The following MAPK10 variants were observed in gnomAD, a reference collection of about 807,000 sequenced individuals.
MAPK10 encodes the protein mitogen-activated protein kinase 10, also known as JNK3 alpha protein kinase.
In MAPK10, 25 loss-of-function variants were observed where a neutral mutation model predicts 59.3. That is an observed-to-expected ratio of 0.42 (90% CI 0.31 to 0.59). The LOEUF is 0.59. Among genes scored for constraint, MAPK10 ranks in the 20% least tolerant of loss-of-function variants. MAPK10 has a pLI of 0.15. For missense variants in MAPK10, 351 were observed against 568.9 expected (o/e 0.62, Z 3.90); for synonymous variants, 190 against 200.5 (o/e 0.95, Z 0.44).
In MAPK10 at chr4:86,271,585, C is replaced by T. The variant is rs58081144; in HGVS notation, c.-6-77178G>A. Among the ~76,000 whole-genome samples the T allele has an allele frequency of 7.9e-3, 1,197 of 151,972 alleles. 16 individuals carry two copies. The highest frequency in any genetic ancestry group is 0.027 in the African/African-American group (1,109 of 41,458). On this transcript the variant is annotated intron_variant, in intron 2 of 13. Transcript: ENST00000641462. ...TGATGCCTGTATTAGTCCACTCTCA[C>T]GCTGCTAATAAAGACATACCCTAAA...
At chr4:86,065,154 C>T (rs1435402735) in intron 10 of MAPK10, 1 of 152,082 alleles carries the variant, frequency 6.6e-6, no homozygotes, top group African/African-American at 2.4e-5. Context: ...CTCAAAGATC[C>T]TCCCACCTCA....
intron 1 of MAPK10, among the ~76,000 whole-genome samples, chr4:86,436,688 G>T (rs1422176116): frequency 2.0e-5 from 3 of 152,050 alleles, no homozygotes; most frequent in African/African-American, 7.2e-5. Flanking sequence ...ATCCAGTCAT[G>T]TCACTTGTGA....
chr4:86,590,843 A>G (rs1448420469), intron 1 of MAPK10, among the ~76,000 whole-genome samples: 12 of 152,152 alleles, frequency 7.9e-5, no homozygotes, highest in Non-Finnish European at 1.8e-4. Flanking sequence ...ACTTACTTTT[A>G]AAAGATAATT....
chr4:86,494,888 A>G (rs1405448690), intron 1 of MAPK10, among the ~76,000 whole-genome samples: 2 of 139,190 alleles, frequency 1.4e-5, no homozygotes, highest in Non-Finnish European at 3.1e-5. Context: ...AAAGCTTCAC[A>G]TATTTTATGT....
intron 2 of MAPK10, among the ~76,000 whole-genome samples, chr4:86,347,210 A>G (rs556010047): frequency 2.6e-4 from 39 of 152,220 alleles, no homozygotes; most frequent in Middle Eastern, 6.8e-3. Flanking sequence ...TATACACTAA[A>G]TTTTTCAAGT....
chr4:86,413,716 G>A (rs942477164), intron 1 of MAPK10, among the ~76,000 whole-genome samples: 16 of 152,296 alleles, frequency 1.1e-4, no homozygotes, highest in Admixed American at 2.6e-4. Context: ...CATGGGACCC[G>A]CCGAGCCAGG....
At chr4:86,276,582 A>G (rs1430379335) in intron 2 of MAPK10, among the ~76,000 whole-genome samples, 1 of 152,182 alleles carries the variant, frequency 6.6e-6, no homozygotes, top group East Asian at 1.9e-4. Context: ...AAAAATCACA[A>G]GTCAACCTTG....
chr4:86,210,515 T>A (rs1599312), intron 2 of MAPK10, among the ~76,000 whole-genome samples: 49,235 of 151,938 alleles, frequency 0.32, 11,009 homozygotes, highest in African/African-American at 0.64. Flanking sequence ...TTATAATTGC[T>A]TTATTTGTAA....
intron 4 of MAPK10, among the ~76,000 whole-genome samples, chr4:86,113,448 G>C (rs1479139867): frequency 2.6e-5 from 4 of 152,100 alleles, no homozygotes; most frequent in African/African-American, 9.7e-5. Context: ...TGTCTGAAAA[G>C]GATTTTATTT....
intron 3 of MAPK10, among the ~76,000 whole-genome samples, chr4:86,182,012 ACTT>A (rs1679220773): frequency 6.6e-6 from 1 of 152,160 alleles, no homozygotes; most frequent in South Asian, 2.1e-4. Flanking sequence ...GGCTAAGACT[ACTT>A]ACCTATTGCT....
chr4:86,462,192 C>T (rs151234323), intron 1 of MAPK10, among the ~76,000 whole-genome samples: 1 of 152,110 alleles, frequency 6.6e-6, no homozygotes, highest in Non-Finnish European at 1.5e-5. Context: ...GTCTGTGGAC[C>T]CTTGCCAGCG....
rs558877373 is a variant in MAPK10 at position 86,480,297 on chromosome 4, T to A, written c.-263+113613A>T. 5.4e-5 allele frequency among the ~76,000 whole-genome samples: 8 copies of A among 148,508 alleles called. No individual in the cohort carries two copies. The South Asian group carries it at 1.3e-3, about 24-fold the overall frequency. On this transcript the variant is annotated intron_variant, in intron 1 of 4. Transcript: ENST00000502302. ...CCTGGCTCATCCTGGCTCAAAAATC[T>A]CCCCCACTGAGCACCCTGTGACCCC...
chr4:86,098,384 G>T lies in MAPK10; in HGVS notation c.802+140C>A, dbSNP rs867531085. 53 of 1,306,796 alleles carry T rather than the reference G, an allele frequency of 4.1e-5. No homozygotes were observed. In the African/African-American group the frequency reaches 5.9e-4, roughly 15 times the overall value. The allele number at this position is 1,306,796 out of a possible 1,614,324, so 81.0% of individuals were successfully genotyped here. ...AGTCTTCAGTACTGGTCAGATTATA[G>T]AAATTATCACTTTTTTATTACAATA... On this transcript the variant is annotated intron_variant, in intron 9 of 13. Coordinates refer to ENST00000641462, the MANE Select transcript of MAPK10 (RefSeq NM_138982.4).
chr4:86,551,828 T>C (rs1473962334), intron 1 of MAPK10, among the ~76,000 whole-genome samples: 3 of 152,090 alleles, frequency 2.0e-5, no homozygotes, highest in Admixed American at 2.0e-4. Flanking sequence ...TGGTCTCGAA[T>C]ACCTGACCTC....
chr4:86,321,230 A>G (rs2095882765), intron 2 of MAPK10, among the ~76,000 whole-genome samples: 1 of 152,046 alleles, frequency 6.6e-6, no homozygotes, highest in African/African-American at 2.4e-5. Context: ...CCATCCCATT[A>G]CTGGGTATAT....
intron 1 of MAPK10, among the ~76,000 whole-genome samples, chr4:86,525,163 G>A (rs1757387393): frequency 1.3e-5 from 2 of 152,038 alleles, no homozygotes; most frequent in South Asian, 4.2e-4. Flanking sequence ...CAGGAGTGGT[G>A]GTGCCCTCCT....
At chr4:86,475,556 G>A (rs894908313) in intron 1 of MAPK10, among the ~76,000 whole-genome samples, 9 of 152,112 alleles carry the variant, frequency 5.9e-5, no homozygotes, top group Non-Finnish European at 1.2e-4. Flanking sequence ...CGCCGGTCAC[G>A]GACTCGGGAA....
intron 1 of MAPK10, among the ~76,000 whole-genome samples, chr4:86,473,595 C>G (rs1451991907): frequency 6.6e-6 from 1 of 152,178 alleles, no homozygotes; most frequent in African/African-American, 2.4e-5. Context: ...ACTGTGACTC[C>G]CTATTCCAGC....
At chr4:86,570,658 G>A (rs539891459) in intron 1 of MAPK10, among the ~76,000 whole-genome samples, 1 of 152,170 alleles carries the variant, frequency 6.6e-6, no homozygotes, top group South Asian at 2.1e-4. Flanking sequence ...TAAATACAGT[G>A]ATAAAGAATA....
Sources: gnomAD v4.1 joint callset for allele counts (sites outside exome capture counted in the v4.1 genomes callset) on GRCh38, gnomAD v4.1.1 for gene constraint, MANE v1.5 for transcripts, NCBI Gene and HGNC (gene_info 2026-07-23, HGNC 2026-07-21) for gene names.